UBE2R2: variants seen among roughly 807,000 people sequenced by gnomAD.
UBE2R2 encodes the protein ubiquitin-conjugating enzyme E2 R2.
UBE2R2 carries 1 observed loss-of-function variant against 27.8 expected under a neutral mutation model. The ratio of observed to expected loss-of-function variants is 0.04; its 90% confidence interval spans 0.01 to 0.17. The LOEUF (loss-of-function observed/expected upper bound fraction) is 0.17, where lower values mean the gene tolerates loss of function less well. Among genes scored for constraint, UBE2R2 ranks in the 10% least tolerant of loss-of-function variants. The pLI is 1.00. For missense variants in UBE2R2, 100 were observed against 291.0 expected (o/e 0.34, Z 4.78); for synonymous variants, 106 against 113.3 (o/e 0.94, Z 0.41).
intron 1 of UBE2R2, among the ~76,000 whole-genome samples, chr9:33,865,271 G>A (rs1005418402): frequency 4.6e-5 from 7 of 151,666 alleles, no homozygotes; most frequent in Admixed American, 1.3e-4. Context: ...GTGCGATCTC[G>A]GCTCACTCAC....
At chr9:33,877,687 C>T (rs893748328) in intron 1 of UBE2R2, among the ~76,000 whole-genome samples, 2 of 152,024 alleles carry the variant, frequency 1.3e-5, no homozygotes, top group African/African-American at 4.8e-5. Flanking sequence ...ATTAATCTTT[C>T]CAGTTGTCTT....
At chr9:33,873,623 A>C (rs893226431) in intron 1 of UBE2R2, among the ~76,000 whole-genome samples, 1 of 152,128 alleles carries the variant, frequency 6.6e-6, no homozygotes, top group Middle Eastern at 3.2e-3. Flanking sequence ...TCGAATGAAA[A>C]ATATCCTGTA....
chr9:33,917,555 C>T lies in UBE2R2; in HGVS notation c.*318C>T, dbSNP rs976349049. On this transcript the variant is annotated 3_prime_UTR_variant, in exon 5 of 5. Transcript: ENST00000263228. ...TCTACAGAATGTTCACAGCAAAACA[C>T]GTTTGGTCTGTTTTTAGATTCTTGA... 1.0e-5 allele frequency: 5 copies of T among 493,180 alleles called. No homozygotes were observed. Among genetic ancestry groups the T allele is most frequent in the African/African-American group, 3.9e-5 (2 of 51,110 alleles). 30.6% of individuals were successfully genotyped at this position (493,180 alleles called of 1,614,324 possible).
chr9:33,857,502 G>C (rs1490313856), intron 1 of UBE2R2, among the ~76,000 whole-genome samples: 1 of 151,524 alleles, frequency 6.6e-6, no homozygotes, highest in Non-Finnish European at 1.5e-5. Flanking sequence ...ATTTTTAGTT[G>C]ATGGGGTTTC....
At chr9:33,899,140 A>G (rs1822188602) in intron 2 of UBE2R2, among the ~76,000 whole-genome samples, 1 of 152,198 alleles carries the variant, frequency 6.6e-6, no homozygotes, top group Non-Finnish European at 1.5e-5. Flanking sequence ...CTAGGTACAC[A>G]GATATATCTG....
intron 1 of UBE2R2, among the ~76,000 whole-genome samples, chr9:33,864,838 C>T (rs1246893371): frequency 2.0e-5 from 3 of 151,970 alleles, no homozygotes; most frequent in Admixed American, 6.6e-5. Context: ...AATTCTCCCG[C>T]CTCAGCCTCC....
chr9:33,849,353 A>T (rs1452217645), intron 1 of UBE2R2, among the ~76,000 whole-genome samples: 2 of 152,202 alleles, frequency 1.3e-5, no homozygotes, highest in African/African-American at 4.8e-5. Context: ...TTGTGTGTGT[A>T]GGTGTGTATA....
At chr9:33,879,952 G>GC in intron 1 of UBE2R2, among the ~76,000 whole-genome samples, 1 of 151,408 alleles carries the variant, frequency 6.6e-6, no homozygotes, top group African/African-American at 2.4e-5. Flanking sequence ...GCAAGGTTAT[G>GC]ATTCACTGCA....
intron 1 of UBE2R2, among the ~76,000 whole-genome samples, chr9:33,845,561 T>G (rs1820826664): frequency 6.6e-6 from 1 of 151,814 alleles, no homozygotes; most frequent in Admixed American, 6.6e-5. Flanking sequence ...CCTGGATACA[T>G]TTCTTTGACT....
rs1822726544 is a variant in UBE2R2 at position 33,918,927 on chromosome 9, C to T, written c.*1690C>T. ...ACTCTTCAAACTCCCAAACACATGA[C>T]TTCTTCCCAGCAGCCCTTCCCGGCC... On this transcript the variant is annotated 3_prime_UTR_variant, in exon 5 of 5. Coordinates refer to ENST00000263228, the MANE Select transcript of UBE2R2 (RefSeq NM_017811.4). 1 of 152,406 alleles carries T rather than the reference C, an allele frequency of 6.6e-6. No homozygotes were observed. The highest frequency in any genetic ancestry group is 2.5e-5 in the African/African-American group (1 of 40,582). The allele number at this position is 152,406 out of a possible 1,614,324, so 9.4% of individuals were successfully genotyped here. A position where few individuals can be genotyped will look rare whatever the true frequency, so the allele number is the denominator to read the frequency against.
chr9:33,849,343 T>G (rs1201034527), intron 1 of UBE2R2, among the ~76,000 whole-genome samples: 1 of 152,182 alleles, frequency 6.6e-6, no homozygotes, highest in Non-Finnish European at 1.5e-5. Context: ...CCTTATCTTT[T>G]TGTGTGTGTA....
At chr9:33,839,810 A>G (rs1353088089) in intron 1 of UBE2R2, among the ~76,000 whole-genome samples, 2 of 152,154 alleles carry the variant, frequency 1.3e-5, no homozygotes, top group Non-Finnish European at 2.9e-5. Flanking sequence ...AGCCTGGGCA[A>G]CATAGCAAGA....
intron 1 of UBE2R2, chr9:33,831,074 C>CAAAAA (rs60428230): frequency 7.3e-3 from 633 of 86,596 alleles, no homozygotes; most frequent in Non-Finnish European, 9.5e-3. Flanking sequence ...ACTGAACTAG[C>CAAAAA]AAAAAAAAAA....
At chr9:33,910,869 A>T (rs1023002806) in intron 3 of UBE2R2, among the ~76,000 whole-genome samples, 1 of 152,002 alleles carries the variant, frequency 6.6e-6, no homozygotes, top group Non-Finnish European at 1.5e-5. Flanking sequence ...TTGGGAGGCC[A>T]AGGCGGGCAG....
intron 1 of UBE2R2, among the ~76,000 whole-genome samples, chr9:33,871,569 G>A (rs113258697): frequency 1.3e-5 from 2 of 152,232 alleles, no homozygotes; most frequent in African/African-American, 4.8e-5. Flanking sequence ...TTCTATTTGC[G>A]ATGGACTAGA....
intron 1 of UBE2R2, among the ~76,000 whole-genome samples, chr9:33,836,261 A>G (rs1820612789): frequency 6.6e-6 from 1 of 152,214 alleles, no homozygotes; most frequent in Non-Finnish European, 1.5e-5. Flanking sequence ...AATAGGCTAT[A>G]CCATATAGCC....
upstream of UBE2R2, among the ~76,000 whole-genome samples, chr9:33,815,387 A>C (rs746258137): frequency 2.6e-5 from 4 of 152,260 alleles, no homozygotes; most frequent in Non-Finnish European, 5.9e-5. Flanking sequence ...TATGTTAATA[A>C]AAGGGGGAAC....
intron 2 of UBE2R2, among the ~76,000 whole-genome samples, chr9:33,891,502 C>A (rs1211789390): frequency 6.6e-6 from 1 of 151,974 alleles, no homozygotes; most frequent in Non-Finnish European, 1.5e-5. Context: ...AAAAAATTAG[C>A]TGGGCATGGT....
intron 1 of UBE2R2, among the ~76,000 whole-genome samples, chr9:33,858,187 AC>A (rs1202855554): frequency 6.6e-6 from 1 of 152,160 alleles, no homozygotes; most frequent in African/African-American, 2.4e-5. Flanking sequence ...ATCCTGAAGT[AC>A]CCTAGAATCT....
Sources: allele counts gnomAD v4.1 joint callset (sites outside exome capture counted in the v4.1 genomes callset), GRCh38; gene constraint gnomAD v4.1.1; transcripts MANE v1.5; gene names NCBI Gene and HGNC (gene_info 2026-07-23, HGNC 2026-07-21).